Variants in HNF4A observed in about 807,000 individuals in gnomAD.
The protein encoded by HNF4A is hepatocyte nuclear factor 4 alpha, also known as hepatocyte nuclear factor 4-alpha.
In HNF4A, 15 loss-of-function variants were observed where a neutral mutation model predicts 52.4. The ratio of observed to expected loss-of-function variants is 0.29; its 90% confidence interval spans 0.19 to 0.44. HNF4A has a LOEUF of 0.44. Among genes scored for constraint, HNF4A ranks in the 20% least tolerant of loss-of-function variants. The pLI, the probability that HNF4A is intolerant of heterozygous loss-of-function variation, is 1.00. For synonymous variants in HNF4A, 280 were observed against 264.4 expected, an observed-to-expected ratio of 1.06 and a Z score of -0.57; for missense variants, 479 against 647.2, an observed-to-expected ratio of 0.74 and a Z score of 2.82.
Position 44,418,526 on chromosome 20 carries a change from C to A in HNF4A, c.736+14C>A. 1 of 1,602,232 alleles carries A rather than the reference C, an allele frequency of 6.2e-7. No individual in the cohort carries two copies. Among genetic ancestry groups the A allele is most frequent in the Non-Finnish European group, 8.5e-7 (1 of 1,172,636 alleles). ...TGCTGCTCCTAGGTGAGGCGGCTGC[C>A]TGCCCTGGCCAGGGCTCCAGGGAGG... is the stretch of plus-strand genomic sequence containing the variant. On this transcript the variant is annotated intron_variant, in intron 6 of 9. Coordinates refer to ENST00000316099, the MANE Select transcript of HNF4A (RefSeq NM_000457.6).
intron 3 of HNF4A, among the ~76,000 whole-genome samples, chr20:44,408,838 G>T (rs2146384531): frequency 6.6e-6 from 1 of 152,170 alleles, no homozygotes; most frequent in South Asian, 2.1e-4. Context: ...CTAGCCCACA[G>T]TTGTGCCGTA....
chr20:44,394,091 C>G (rs1226467559), intron 1 of HNF4A, among the ~76,000 whole-genome samples: 4 of 152,202 alleles, frequency 2.6e-5, no homozygotes, highest in Non-Finnish European at 5.9e-5. Context: ...GACACAGAGC[C>G]AGGTGCATTC....
chr20:44,426,557 A>G (rs555629280), intron 8 of HNF4A, among the ~76,000 whole-genome samples: 15 of 152,246 alleles, frequency 9.9e-5, no homozygotes, highest in Admixed American at 7.8e-4. Context: ...TAATCCTAGC[A>G]CTTTGGGAGG....
At chr20:44,399,143 A>T (rs916208848), upstream of HNF4A, among the ~76,000 whole-genome samples, 1 of 152,074 alleles carries the variant, frequency 6.6e-6, no homozygotes, top group African/African-American at 2.4e-5. Context: ...GCCAGGTCAG[A>T]TACTCCTGAG....
intron 1 of HNF4A, among the ~76,000 whole-genome samples, chr20:44,404,929 G>GGTGTGTGT (rs555098327): frequency 4.8e-4 from 24 of 49,624 alleles, no homozygotes; most frequent in African/African-American, 2.0e-3. Flanking sequence ...GCTTGTGTGT[G>GGTGTGTGT]GTGTGTGTGC....
chr20:44,419,403 G>T (rs2063712554), intron 6 of HNF4A, among the ~76,000 whole-genome samples: 1 of 152,166 alleles, frequency 6.6e-6, no homozygotes. Flanking sequence ...CCAGAATCTG[G>T]TCCTTTAACC....
intron 1 of HNF4A, among the ~76,000 whole-genome samples, chr20:44,367,164 C>G (rs2062977698): frequency 6.6e-6 from 1 of 151,970 alleles, no homozygotes; most frequent in Admixed American, 6.6e-5. Flanking sequence ...GGAGAAACCC[C>G]ATCTCTACCA....
chr20:44,364,875 C>T (rs1436569201), intron 1 of HNF4A, among the ~76,000 whole-genome samples: 1 of 152,200 alleles, frequency 6.6e-6, no homozygotes, highest in Non-Finnish European at 1.5e-5. Flanking sequence ...CATAGTCATC[C>T]AGGGACCCCT....
intron 1 of HNF4A, among the ~76,000 whole-genome samples, chr20:44,405,517 G>A (rs1341064524): frequency 6.6e-6 from 1 of 151,870 alleles, no homozygotes; most frequent in Non-Finnish European, 1.5e-5. Flanking sequence ...GCTTTTGCCT[G>A]TGGGATGGGA....
At chr20:44,405,083 GGTGCGTGTGTGTGCTT>G (rs1568721020) in intron 1 of HNF4A, among the ~76,000 whole-genome samples, 1 of 6,196 alleles carries the variant, frequency 1.6e-4, no homozygotes, top group African/African-American at 4.0e-4. Flanking sequence ...TGGACTGTGT[GGTGCGTGTGTGTGCTT>G]GTGCGTAGCG....
At chr20:44,396,173 C>A (rs563314031) in intron 1 of HNF4A, among the ~76,000 whole-genome samples, 2 of 152,142 alleles carry the variant, frequency 1.3e-5, no homozygotes, top group East Asian at 3.8e-4. Flanking sequence ...CCCTCCCTTA[C>A]GAGCTGTGTG....
intron 1 of HNF4A, chr20:44,372,916 T>C (rs1443263571): frequency 6.6e-6 from 1 of 152,220 alleles, no homozygotes; most frequent in Non-Finnish European, 1.5e-5. Flanking sequence ...TGGCTGAGAA[T>C]TTGTGCTGCA....
chr20:44,405,965 A>G (rs2063493562), intron 1 of HNF4A, 93 bp from the exon 2 acceptor site: 1 of 1,244,028 alleles, frequency 8.0e-7, no homozygotes, highest in Non-Finnish European at 1.2e-6. Context: ...GATCTGGCTG[A>G]GGCCGAAGCC....
chr20:44,418,303 C>T, intron 5 of HNF4A, 122 bp from the exon 6 acceptor site: 1 of 801,404 alleles, frequency 1.2e-6, no homozygotes, highest in Non-Finnish European at 2.2e-6. Context: ...ATGCCCATTT[C>T]ACAGTTCAGG....
downstream of HNF4A, chr20:44,432,900 G>A (rs1051957746): frequency 6.6e-6 from 1 of 152,152 alleles, no homozygotes; most frequent in Non-Finnish European, 1.5e-5. Flanking sequence ...TGAATCTTCT[G>A]GTTCTACTTG....
chr20:44,400,221 C>A (rs1286255306), upstream of HNF4A, among the ~76,000 whole-genome samples: 14 of 152,104 alleles, frequency 9.2e-5, no homozygotes, highest in African/African-American at 2.9e-4. Context: ...GGAACCAGGA[C>A]TTTCTAAGGG....
intron 1 of HNF4A, among the ~76,000 whole-genome samples, chr20:44,380,554 A>C (rs1157097110): frequency 2.6e-5 from 4 of 152,168 alleles, no homozygotes; most frequent in African/African-American, 9.7e-5. Flanking sequence ...TCTGCCTCAC[A>C]AAGTGGTGAG....
chr20:44,379,996 T>C (rs1043424530), intron 1 of HNF4A, among the ~76,000 whole-genome samples: 6 of 152,086 alleles, frequency 3.9e-5, no homozygotes, highest in African/African-American at 1.4e-4. Context: ...CCTCCCAAAG[T>C]GCTGGGATTA....
chr20:44,411,374 C>T (rs1270359038), intron 3 of HNF4A, among the ~76,000 whole-genome samples: 3 of 152,204 alleles, frequency 2.0e-5, no homozygotes, highest in South Asian at 4.1e-4. Context: ...AACATCATTC[C>T]GTGACTGAGC....
Sources: gnomAD v4.1 joint callset for allele counts (sites outside exome capture counted in the v4.1 genomes callset) on GRCh38, gnomAD v4.1.1 for gene constraint, MANE v1.5 for transcripts, NCBI Gene and HGNC (gene_info 2026-07-23, HGNC 2026-07-21) for gene names.